The following VPS41 variants were observed in gnomAD, a reference collection of about 807,000 sequenced individuals.
VPS41 encodes vacuolar protein sorting-associated protein 41 homolog.
In VPS41, 85 loss-of-function variants were observed where a neutral mutation model predicts 130.9. The observed-to-expected ratio is 0.65, with a 90% CI of 0.55 to 0.78. The LOEUF (loss-of-function observed/expected upper bound fraction) is 0.78, where lower values mean the gene tolerates loss of function less well. VPS41 is among the 30% of genes least tolerant of loss of function. The pLI, the probability that VPS41 is intolerant of heterozygous loss-of-function variation, is 0.00. For missense variants in VPS41, 874 were observed against 1,018.7 expected, an observed-to-expected ratio of 0.86 and a Z score of 1.93; for synonymous variants, 335 against 332.9, an observed-to-expected ratio of 1.01 and a Z score of -0.07.
chr7:38,857,503 T>C (rs1165972999), intron 4 of VPS41, among the ~76,000 whole-genome samples: 2 of 152,168 alleles, frequency 1.3e-5, no homozygotes, highest in East Asian at 3.8e-4. Context: ...CTCCTAAATA[T>C]TTAACAGAGA....
intron 4 of VPS41, among the ~76,000 whole-genome samples, chr7:38,856,826 C>T (rs1178864878): frequency 6.6e-6 from 1 of 152,014 alleles, no homozygotes; most frequent in Non-Finnish European, 1.5e-5. Flanking sequence ...GAAGTGTATT[C>T]TAGAGAGAAA....
At chr7:38,830,514 ATG>A in intron 4 of VPS41, among the ~76,000 whole-genome samples, 186 bp from the exon 5 acceptor site, 1 of 152,224 alleles carries the variant, frequency 6.6e-6, no homozygotes, top group South Asian at 2.1e-4. Flanking sequence ...CAGCTACAAC[ATG>A]AGCTTGCAGA....
intron 7 of VPS41, among the ~76,000 whole-genome samples, chr7:38,803,171 C>T (rs547214672): frequency 2.0e-5 from 3 of 152,286 alleles, no homozygotes; most frequent in African/African-American, 4.8e-5. Flanking sequence ...CCCAGAATCT[C>T]CCACATGTGT....
At chr7:38,813,782 T>G (rs1185935786) in intron 7 of VPS41, among the ~76,000 whole-genome samples, 2 of 152,210 alleles carry the variant, frequency 1.3e-5, no homozygotes, top group African/African-American at 4.8e-5. Flanking sequence ...CCAGATGACC[T>G]TAACTGTTTT....
chr7:38,781,107 ATTTC>A (rs1174711156), intron 10 of VPS41, among the ~76,000 whole-genome samples: 1 of 152,186 alleles, frequency 6.6e-6, no homozygotes, highest in African/African-American at 2.4e-5. Flanking sequence ...AGTCTCAGGA[ATTTC>A]TTTATAGGAA....
intron 23 of VPS41, among the ~76,000 whole-genome samples, chr7:38,743,996 G>T (rs1015697064): frequency 6.6e-6 from 1 of 152,094 alleles, no homozygotes; most frequent in African/African-American, 2.4e-5. Context: ...ATGTTTAAAG[G>T]CCCTAAAGTC....
Position 38,783,725 on chromosome 7 carries a change from C to A in VPS41, c.784+6076G>T, listed in dbSNP as rs1784392425. 3.3e-5 allele frequency among the ~76,000 whole-genome samples: 5 copies of A among 151,978 alleles called. No homozygotes were observed. In the South Asian group the frequency reaches 1.0e-3, roughly 32 times the overall value. ...GTGTGGATAACATGAGAGAAAACAA[C>A]CTCTTCGTTTCATTTAAAAAAAAAA... On this transcript the variant is annotated intron_variant, in intron 10 of 28. Transcript: ENST00000310301.
Position 38,758,432 on chromosome 7 carries a change from G to A in VPS41, c.1472C>T (p.Ser491Leu), listed in dbSNP as rs1195336158. The A allele has an allele frequency of 1.9e-6, 3 of 1,613,180 alleles. No homozygotes were observed. In the African/African-American group the frequency reaches 4.0e-5, roughly 22 times the overall value. ...REWPGDLYNN[S>L]VIVQAVRDHL... ...ATCCCGAACTGCTTGAACTATGACT[G>A]AATTATTATACAGATCTCCAGGCCA... is the stretch of plus-strand genomic sequence containing the variant. Residue 491 changes from serine to leucine, a missense_variant, in exon 18 of 29, where the codon TCA becomes TTA. By Grantham distance (145) the Ser-to-Leu change is moderately radical. Transcript: ENST00000310301.
At chr7:38,837,846 G>T (rs114569031) in intron 4 of VPS41, among the ~76,000 whole-genome samples, 2,838 of 152,146 alleles carry the variant, frequency 0.019, 98 homozygotes, top group African/African-American at 0.065. Flanking sequence ...TCCTTTCTAT[G>T]CTTTACTAGA....
Position 38,745,559 on chromosome 7 carries a change from T to G in VPS41, c.1981A>C (p.Ser661Arg), listed in dbSNP as rs1795969945. ...NFVEETVYLL[S>R]RMGNSRSALK... is the part of the protein sequence containing the mutation. ...ACCAAAATGAATAAAAGCTACTTAC[T>G]CAGAAGATAAACTGTCTCTTCTACA... The change falls in exon 23 of 29, where the codon AGC becomes CGC. Residue 661 changes from serine (S) to arginine (R), a missense_variant and splice_region_variant. Physicochemically the swap from Ser to Arg is moderately radical, Grantham distance 110 (BLOSUM62 -1). Coordinates refer to ENST00000310301, the MANE Select transcript of VPS41 (RefSeq NM_014396.4). 2 of 1,608,864 alleles carry G rather than the reference T, an allele frequency of 1.2e-6. No individual in the cohort carries two copies. The highest frequency in any genetic ancestry group is 1.7e-6 in the Non-Finnish European group (2 of 1,177,330).
intron 22 of VPS41, 94 bp from the exon 23 acceptor site, chr7:38,745,707 T>A: frequency 2.2e-6 from 2 of 929,352 alleles, no homozygotes; most frequent in Non-Finnish European, 3.4e-6. Flanking sequence ...AAAGAATTTT[T>A]CCACAGCTTC....
intron 2 of VPS41, among the ~76,000 whole-genome samples, chr7:38,886,175 G>A (rs1317596918): frequency 1.3e-5 from 2 of 152,046 alleles, no homozygotes; most frequent in African/African-American, 2.4e-5. Context: ...AGCCCACAGA[G>A]GGCAAGCAGA....
At position 38,801,658 on chromosome 7, in the gene VPS41, CAACT is replaced by C. The variant is rs202197757; in HGVS notation, c.451-4798_451-4795del. 4.8e-3 allele frequency among the ~76,000 whole-genome samples: 727 copies of C among 152,278 alleles called. 7 individuals are homozygous for C. Among genetic ancestry groups the C allele is most frequent in the African/African-American group, 0.017 (690 of 41,560 alleles). On this transcript the variant is annotated intron_variant, in intron 7 of 28. Transcript: ENST00000310301. Reference sequence around the variant, plus strand: ...TGGTCACACTGGTTTTCTCACTGCACAACTAACTATTAAATCTTGTTCACTGAGA... The same window carrying C: ...TGGTCACACTGGTTTTCTCACTGCACAACTATTAAATCTTGTTCACTGAGA...
chr7:38,812,988 G>C (rs941374312), intron 7 of VPS41, among the ~76,000 whole-genome samples: 35 of 152,278 alleles, frequency 2.3e-4, no homozygotes, highest in African/African-American at 7.9e-4. Context: ...TCTTCAAAAT[G>C]TCCAACATAG....
intron 4 of VPS41, among the ~76,000 whole-genome samples, chr7:38,842,031 T>C (rs947225775): frequency 6.6e-6 from 1 of 152,208 alleles, no homozygotes; most frequent in South Asian, 2.1e-4. Flanking sequence ...CAACAACTAC[T>C]CTACAGCTCT....
chr7:38,730,825 T>C (rs549794056), intron 25 of VPS41, among the ~76,000 whole-genome samples: 5 of 152,224 alleles, frequency 3.3e-5, no homozygotes, highest in Admixed American at 3.3e-4. Flanking sequence ...TCGTGGGTGC[T>C]CCAGGCCCAT....
chr7:38,903,209 C>A (rs1584455853), intron 1 of VPS41, among the ~76,000 whole-genome samples: 1 of 152,324 alleles, frequency 6.6e-6, no homozygotes, highest in East Asian at 1.9e-4. Flanking sequence ...TCCTAGAAGA[C>A]TTCTCTCATA....
chr7:38,805,750 C>G (rs549138644), intron 7 of VPS41, among the ~76,000 whole-genome samples: 2 of 152,320 alleles, frequency 1.3e-5, no homozygotes, highest in South Asian at 4.1e-4. Flanking sequence ...GGCAGACTCA[C>G]ATCTACATGG....
Position 38,872,515 on chromosome 7 carries a change from G to A in VPS41, c.61-3262C>T, listed in dbSNP as rs537951235. Among the ~76,000 whole-genome samples the A allele has an allele frequency of 2.6e-5, 4 of 152,238 alleles. No individual in the cohort carries two copies. In the East Asian group the frequency reaches 7.7e-4, roughly 29 times the overall value. On this transcript the variant is annotated intron_variant, in intron 2 of 28. Coordinates refer to ENST00000310301, the MANE Select transcript of VPS41 (RefSeq NM_014396.4). ...AATTCAATTCCCTTGTTATACATAA[G>A]CTATTAGCTGTTTATTTCGGATGCA... is the stretch of plus-strand genomic sequence containing the variant.
Sources: gnomAD v4.1 joint callset for allele counts (sites outside exome capture counted in the v4.1 genomes callset) on GRCh38, gnomAD v4.1.1 for gene constraint, MANE v1.5 for transcripts, NCBI Gene and HGNC (gene_info 2026-07-23, HGNC 2026-07-21) for gene names.